PRH1: variants seen among roughly 807,000 people sequenced by gnomAD.
PRH1 encodes the protein proline rich protein HaeIII subfamily 1, also known as salivary acidic proline-rich phosphoprotein 1/2.
PRH1 carries 7 observed loss-of-function variants against 7.9 expected under a neutral mutation model. The ratio of observed to expected loss-of-function variants is 0.89; its 90% CI spans 0.50 to 1.67. The LOEUF is 1.67. Among genes scored for constraint, PRH1 ranks in the 40% most tolerant of loss-of-function variants. PRH1 has a pLI of 0.00. For synonymous variants in PRH1, 45 were observed against 80.8 expected (o/e 0.56, Z 2.38); for missense variants, 109 against 223.6 (o/e 0.49, Z 3.27).
At chr12:10,915,255 A>C (rs868741647) in intron 2 of PRH1, among the ~76,000 whole-genome samples, 5 of 152,276 alleles carry the variant, frequency 3.3e-5, no homozygotes. Context: ...TTCAACTGAC[A>C]GTTACTGCTC....
chr12:11,152,225 C>CT (rs1186439164), intron 1 of PRH1, among the ~76,000 whole-genome samples: 94 of 121,588 alleles, frequency 7.7e-4, no homozygotes, highest in Non-Finnish European at 1.3e-3. Flanking sequence ...AATGCTATCC[C>CT]TCCCCCCTCC....
intron 2 of PRH1, among the ~76,000 whole-genome samples, chr12:10,892,953 G>A (rs1320024427): frequency 6.6e-6 from 1 of 152,284 alleles, no homozygotes; most frequent in Admixed American, 6.5e-5. Flanking sequence ...AGAAATCAGA[G>A]CCTAAGTATG....
At position 11,092,309 on chromosome 12, in the gene PRH1, G is replaced by C. The variant is rs1274794149; in HGVS notation, n.124-45121C>G. ...TTCCTGCAGGTGGGTTCGTGGTCTC[G>C]CTGACTTCAAAAGGGAGCCACTGAC... On this transcript the variant is annotated intron_variant and non_coding_transcript_variant, in intron 1 of 4. Transcript: ENST00000541977. The C allele has an allele frequency of 1.1e-4, 97 of 901,722 alleles. 10 individuals carry two copies. Among genetic ancestry groups the C allele is most frequent in the Middle Eastern group, 6.3e-4 (3 of 4,768 alleles). The allele number at this position is 901,722 out of a possible 1,614,324, so 55.9% of individuals were successfully genotyped here. A position where few individuals can be genotyped will look rare whatever the true frequency, so the allele number is the denominator to read the frequency against.
At position 11,092,425 on chromosome 12, in the gene PRH1, C is replaced by T. The variant is rs9803126; in HGVS notation, n.124-45237G>A. The T allele has an allele frequency of 4.2e-5, 14 of 329,958 alleles. 2 individuals are homozygous for T. The highest frequency in any genetic ancestry group is 8.2e-5 in the Non-Finnish European group (14 of 170,296). The allele number at this position is 329,958 out of a possible 1,614,324, so 20.4% of individuals were successfully genotyped here. A position where few individuals can be genotyped will look rare whatever the true frequency, so the allele number is the denominator to read the frequency against. ...TATTGAGAAGAGAGAAAGGACAAAG[C>T]TTCCACAGAGTGAAAGGCAACCCAG... On this transcript the variant is annotated intron_variant and non_coding_transcript_variant, in intron 1 of 4. Transcript: ENST00000541977.
chr12:11,051,587 C>T (rs1943146777), upstream of PRH1, among the ~76,000 whole-genome samples: 1 of 152,182 alleles, frequency 6.6e-6, no homozygotes, highest in South Asian at 2.1e-4. Flanking sequence ...TTCCATCCCT[C>T]TACACCTTTC....
At chr12:11,007,564 T>A (rs1940886471) in intron 1 of PRH1, among the ~76,000 whole-genome samples, 1 of 152,154 alleles carries the variant, frequency 6.6e-6, no homozygotes, top group South Asian at 2.1e-4. Context: ...GACTCCCTCA[T>A]CCTTTGATAT....
At chr12:10,945,197 G>A (rs1950467224) in intron 2 of PRH1, among the ~76,000 whole-genome samples, 1 of 151,954 alleles carries the variant, frequency 6.6e-6, no homozygotes, top group African/African-American at 2.4e-5. Context: ...GCTTTTTTGG[G>A]TTCATAGGCT....
At chr12:11,064,109 T>C (rs2136188210) in intron 1 of PRH1, among the ~76,000 whole-genome samples, 1 of 152,198 alleles carries the variant, frequency 6.6e-6, no homozygotes, top group Admixed American at 6.5e-5. Flanking sequence ...TCCATGCCAC[T>C]TTCCAAGTCC....
At chr12:10,964,281 A>G (rs1565504380) in intron 2 of PRH1, 1 of 153,502 alleles carries the variant, frequency 6.5e-6, no homozygotes, top group African/African-American at 2.4e-5. Flanking sequence ...GACTAACTTT[A>G]GGTAAAAGAC....
At chr12:10,959,039 A>G (rs1471294824) in intron 2 of PRH1, among the ~76,000 whole-genome samples, 1 of 152,236 alleles carries the variant, frequency 6.6e-6, no homozygotes, top group Non-Finnish European at 1.5e-5. Flanking sequence ...CAAGATATGC[A>G]GCAGTTTAGA....
chr12:11,160,873 C>T lies in PRH1; in HGVS notation n.39+10549G>A, dbSNP rs147167058. ...ACAAAAGTGACATAAACAAGCTATA[C>T]CATGCATCTATAGGCAGGAACTTTT... On this transcript the variant is annotated intron_variant and non_coding_transcript_variant, in intron 1 of 1. Coordinates refer to the PRH1 transcript ENST00000541175. 4.3e-3 allele frequency among the ~76,000 whole-genome samples: 661 copies of T among 152,292 alleles called. 3 individuals are homozygous for T. The highest frequency in any genetic ancestry group is 6.6e-3 in the Non-Finnish European group (447 of 68,026).
In PRH1 at chr12:10,927,398, A is replaced by G. The variant is rs186205588; in HGVS notation, c.-58-43123T>C. ...CCAAAGAAAATAATCCCAGTAACCC[A>G]CTGGGAGCTGCTTGGCTTAAGCACC... is the stretch of plus-strand genomic sequence containing the variant. On this transcript the variant is annotated intron_variant, in intron 2 of 3. Coordinates refer to the PRH1 transcript ENST00000539853. 6.6e-5 allele frequency among the ~76,000 whole-genome samples: 10 copies of G among 152,292 alleles called. No individual in the cohort carries two copies. The East Asian group carries it at 1.9e-3, about 29-fold the overall frequency.
chr12:10,887,577 A>G (rs1949511028), upstream of PRH1, among the ~76,000 whole-genome samples: 1 of 145,716 alleles, frequency 6.9e-6, no homozygotes, highest in Non-Finnish European at 1.5e-5. Flanking sequence ...GTTGGGGTGC[A>G]GTGGCATGAT....
At chr12:10,925,016 G>C (rs1465418993) in intron 2 of PRH1, among the ~76,000 whole-genome samples, 2 of 152,128 alleles carry the variant, frequency 1.3e-5, no homozygotes, top group African/African-American at 4.8e-5. Flanking sequence ...ATTCTGCTCT[G>C]ATCTTAGTTG....
chr12:11,002,540 A>G (rs1940642841), intron 1 of PRH1, among the ~76,000 whole-genome samples: 1 of 152,074 alleles, frequency 6.6e-6, no homozygotes, highest in Admixed American at 6.6e-5. Flanking sequence ...CTTTCATATG[A>G]ACTTCATATA....
rs202220933 is a variant in PRH1, at chr12:10,882,213, G to A, written c.*18+4C>T. 6,581 of 1,588,234 alleles carry A rather than the reference G, an allele frequency of 4.1e-3. 35 individuals are homozygous for A. Among genetic ancestry groups the A allele is most frequent in the East Asian group, 0.02 (871 of 44,602 alleles). On this transcript the variant is annotated splice_donor_region_variant and intron_variant, in intron 3 of 3. Coordinates refer to ENST00000543626, the MANE Select transcript of PRH1 (RefSeq NM_001393989.1). ...CTTTGATGGATAATAAACTGGAATC[G>A]TACCTGTCATTGAATCCTAGATTAC...
At chr12:10,926,081 AGG>A (rs1950118571) in intron 2 of PRH1, among the ~76,000 whole-genome samples, 1 of 152,242 alleles carries the variant, frequency 6.6e-6, no homozygotes, top group Non-Finnish European at 1.5e-5. Context: ...ATATATTAAT[AGG>A]TCATCAACAT....
Position 11,077,007 on chromosome 12 carries a change from G to C in PRH1, n.124-29819C>G, listed in dbSNP as rs1421690542. ...AAACAGCAATAATTTCCTGATAAAA[G>C]CTGTAAGATCCTAATTTTAAAAAGA... On this transcript the variant is annotated intron_variant and non_coding_transcript_variant, in intron 1 of 4. Transcript: ENST00000541977. 2 of 114,970 alleles carry C rather than the reference G, an allele frequency of 1.7e-5. 1 individual carries two copies. Among genetic ancestry groups the C allele is most frequent in the African/African-American group, 5.8e-5 (2 of 34,424 alleles). 7.1% of individuals were successfully genotyped at this position (114,970 alleles called of 1,614,324 possible). A position where few individuals can be genotyped will look rare whatever the true frequency, so the allele number is the denominator to read the frequency against.
chr12:11,148,557 G>C (rs1336117177), intron 1 of PRH1, among the ~76,000 whole-genome samples: 21 of 147,056 alleles, frequency 1.4e-4, no homozygotes, highest in African/African-American at 5.2e-4. Flanking sequence ...TGTGGTTTTT[G>C]TCTTTGGTTC....
Sources: gnomAD v4.1 joint callset for allele counts (sites outside exome capture counted in the v4.1 genomes callset) on GRCh38, gnomAD v4.1.1 for gene constraint, MANE v1.5 for transcripts, NCBI Gene and HGNC (gene_info 2026-07-23, HGNC 2026-07-21) for gene names.